ZBTB20: variants seen among roughly 807,000 people sequenced by gnomAD.
The protein encoded by ZBTB20 is zinc finger and BTB domain containing 20.
In ZBTB20, 9 loss-of-function variants were observed where a neutral mutation model predicts 56.9. That is an observed-to-expected ratio of 0.16 (90% confidence interval 0.10 to 0.28). ZBTB20 has a LOEUF of 0.28. Ranked by LOEUF, ZBTB20 falls within the 10% of genes least tolerant of loss-of-function variation. The pLI, the probability that ZBTB20 is intolerant of heterozygous loss-of-function variation, is 1.00. For missense variants in ZBTB20, 655 were observed against 1,003.0 expected (o/e 0.65, Z 4.69); for synonymous variants, 417 against 420.7 (o/e 0.99, Z 0.11).
chr3:115,064,947 T>C (rs969658677), intron 2 of ZBTB20, among the ~76,000 whole-genome samples: 5 of 152,156 alleles, frequency 3.3e-5, no homozygotes, highest in Non-Finnish European at 7.4e-5. Context: ...CACATTTTTA[T>C]GGGCACTCAG....
chr3:114,645,448 A>C (rs1455040921), intron 6 of ZBTB20, among the ~76,000 whole-genome samples: 1 of 152,132 alleles, frequency 6.6e-6, no homozygotes. Flanking sequence ...TCACTCGAAG[A>C]CTGACTATAT....
At chr3:115,029,339 AGG>A (rs5851942) in intron 2 of ZBTB20, among the ~76,000 whole-genome samples, 1 of 149,704 alleles carries the variant, frequency 6.7e-6, no homozygotes, top group Non-Finnish European at 1.5e-5. Context: ...ATAAAATTGA[AGG>A]GGGGGGGCAG....
At chr3:114,356,641 G>T (rs75146412) in intron 10 of ZBTB20, among the ~76,000 whole-genome samples, 1 of 152,104 alleles carries the variant, frequency 6.6e-6, no homozygotes, top group Non-Finnish European at 1.5e-5. Context: ...ATGAAACAGG[G>T]TGCAGCTTGC....
chr3:114,492,385 C>T (rs2042845870), intron 7 of ZBTB20, among the ~76,000 whole-genome samples: 1 of 152,206 alleles, frequency 6.6e-6, no homozygotes, highest in Non-Finnish European at 1.5e-5. Flanking sequence ...CTCTCCACTC[C>T]AGTCCTCCTT....
At chr3:114,425,109 C>A (rs187586630) in intron 7 of ZBTB20, among the ~76,000 whole-genome samples, 111 of 134,706 alleles carry the variant, frequency 8.2e-4, no homozygotes, top group African/African-American at 3.7e-3. Context: ...CAAGGTGTCG[C>A]TCTGAAATTT....
intron 3 of ZBTB20, among the ~76,000 whole-genome samples, chr3:114,949,533 C>T (rs1279560547): frequency 1.4e-5 from 2 of 146,044 alleles, no homozygotes; most frequent in Non-Finnish European, 2.9e-5. Flanking sequence ...TTTGGGAGGC[C>T]AAGGTGGCCA....
chr3:115,078,198 G>C (rs2082662586), intron 1 of ZBTB20, among the ~76,000 whole-genome samples: 1 of 152,046 alleles, frequency 6.6e-6, no homozygotes, highest in African/African-American at 2.4e-5. Context: ...AACTAATCTT[G>C]TTATTTGTAT....
At chr3:114,961,472 T>C (rs1031449062) in intron 3 of ZBTB20, among the ~76,000 whole-genome samples, 7 of 152,084 alleles carry the variant, frequency 4.6e-5, no homozygotes, top group Non-Finnish European at 1.0e-4. Flanking sequence ...TCTTAAAAGA[T>C]GCCTTATGAG....
intron 1 of ZBTB20, among the ~76,000 whole-genome samples, chr3:115,093,859 T>C (rs1381345535): frequency 6.6e-6 from 1 of 152,142 alleles, no homozygotes; most frequent in East Asian, 1.9e-4. Context: ...TGTCTTGGAG[T>C]GCAGAGGGAA....
At chr3:114,421,595 C>A (rs922344601) in intron 7 of ZBTB20, among the ~76,000 whole-genome samples, 13 of 152,056 alleles carry the variant, frequency 8.5e-5, no homozygotes, top group Admixed American at 5.9e-4. Context: ...AATAGCTGGG[C>A]TAATCGAGTT....
At chr3:115,109,616 C>G (rs1445305500) in intron 1 of ZBTB20, among the ~76,000 whole-genome samples, 1 of 152,014 alleles carries the variant, frequency 6.6e-6, no homozygotes, top group East Asian at 1.9e-4. Flanking sequence ...AACATCTATC[C>G]AAATAGAATG....
At chr3:114,913,684 G>GT (rs111279915) in intron 3 of ZBTB20, among the ~76,000 whole-genome samples, 97 of 145,504 alleles carry the variant, frequency 6.7e-4, no homozygotes, top group African/African-American at 1.5e-3. Context: ...TTTCCTCAGT[G>GT]TTTTTTTTTT....
At chr3:114,610,016 G>A (rs753017095) in intron 6 of ZBTB20, among the ~76,000 whole-genome samples, 4 of 152,156 alleles carry the variant, frequency 2.6e-5, no homozygotes, top group Non-Finnish European at 4.4e-5. Flanking sequence ...GCTGCCCCTA[G>A]CCTCCTTCAG....
chr3:114,630,251 A>G (rs1422547964), intron 6 of ZBTB20, among the ~76,000 whole-genome samples: 1 of 152,232 alleles, frequency 6.6e-6, no homozygotes, highest in Non-Finnish European at 1.5e-5. Context: ...TGAGATCTAG[A>G]CATTGTAGGA....
chr3:115,055,187 A>ATCTCTCTCTCTCTCTC (rs58480744), intron 2 of ZBTB20, among the ~76,000 whole-genome samples: 1,952 of 103,108 alleles, frequency 0.019, 232 homozygotes, highest in African/African-American at 0.037. Flanking sequence ...CCTCCTGGTA[A>ATCTCTCTCTCTCTCTC]TCTCTCTCTC....
chr3:114,551,566 A>G (rs368498123), intron 6 of ZBTB20, among the ~76,000 whole-genome samples: 1 of 152,202 alleles, frequency 6.6e-6, no homozygotes, highest in East Asian at 1.9e-4. Flanking sequence ...AATATTTGAT[A>G]TATGGAAATG....
At chr3:114,630,430 C>A (rs1370147657) in intron 6 of ZBTB20, among the ~76,000 whole-genome samples, 2 of 152,196 alleles carry the variant, frequency 1.3e-5, no homozygotes, top group Non-Finnish European at 2.9e-5. Flanking sequence ...TCATCTGAGG[C>A]ACTCTGCTAT....
intron 3 of ZBTB20, among the ~76,000 whole-genome samples, chr3:114,903,990 A>G (rs2075226932): frequency 6.6e-6 from 1 of 152,070 alleles, no homozygotes; most frequent in African/African-American, 2.4e-5. Context: ...AAAGGACAGC[A>G]CAGATCCTGA....
chr3:114,585,570 G>GT (rs1441007223), intron 6 of ZBTB20, among the ~76,000 whole-genome samples: 1 of 152,122 alleles, frequency 6.6e-6, no homozygotes, highest in Non-Finnish European at 1.5e-5. Context: ...ACCGTCTAAT[G>GT]TATTCACATT....
Sources: gnomAD v4.1 joint callset for allele counts (sites outside exome capture counted in the v4.1 genomes callset) on GRCh38, gnomAD v4.1.1 for gene constraint, MANE v1.5 for transcripts, NCBI Gene and HGNC (gene_info 2026-07-23, HGNC 2026-07-21) for gene names.